ADAMTS19: variants seen among roughly 807,000 people sequenced by gnomAD.
ADAMTS19 encodes the protein ADAM metallopeptidase with thrombospondin type 1 motif 19.
ADAMTS19 carries 93 observed loss-of-function variants against 153.3 expected under a neutral mutation model. The observed-to-expected ratio is 0.61, with a 90% CI of 0.51 to 0.72. ADAMTS19 has a LOEUF of 0.72. Among genes scored for constraint, ADAMTS19 ranks in the 30% least tolerant of loss-of-function variants. The probability of loss-of-function intolerance (pLI) is 0.00; values close to 1 mark genes in which losing one functional copy is unlikely to be tolerated. For synonymous variants in ADAMTS19, 600 were observed against 556.6 expected (o/e 1.08, Z -1.10); for missense variants, 1,482 against 1,552.1 (o/e 0.95, Z 0.76).
At chr5:129,536,504 C>T (rs181458741) in intron 6 of ADAMTS19, among the ~76,000 whole-genome samples, 100 of 152,230 alleles carry the variant, frequency 6.6e-4, no homozygotes, top group Middle Eastern at 3.4e-3. Flanking sequence ...GTCAGTGTGG[C>T]GATTCCTCAG....
At chr5:129,577,986 C>T (rs1037556705) in intron 7 of ADAMTS19, among the ~76,000 whole-genome samples, 29 of 142,914 alleles carry the variant, frequency 2.0e-4, no homozygotes, top group Non-Finnish European at 3.5e-4. Context: ...AAGCTTTAAT[C>T]GTCTTCTTTT....
At chr5:129,680,966 G>T (rs1315096728) in intron 17 of ADAMTS19, among the ~76,000 whole-genome samples, 1 of 152,114 alleles carries the variant, frequency 6.6e-6, no homozygotes, top group African/African-American at 2.4e-5. Context: ...ATGGCAAAAA[G>T]AAGTCTAAAA....
At chr5:129,490,483 G>C (rs1157256576) in intron 2 of ADAMTS19, among the ~76,000 whole-genome samples, 2 of 152,108 alleles carry the variant, frequency 1.3e-5, no homozygotes, top group Non-Finnish European at 2.9e-5. Context: ...TACATTATAA[G>C]ATAAGAATTA....
intron 7 of ADAMTS19, among the ~76,000 whole-genome samples, chr5:129,556,935 A>G (rs1346299597): frequency 6.6e-6 from 1 of 152,184 alleles, no homozygotes; most frequent in African/African-American, 2.4e-5. Context: ...CAAGAAAATA[A>G]ATTTGGATAC....
chr5:129,551,827 ATTTATC>A, intron 6 of ADAMTS19, 31 bp from the exon 7 acceptor site: 1 of 1,388,922 alleles, frequency 7.2e-7, no homozygotes, highest in Non-Finnish European at 9.9e-7. Flanking sequence ...GTACAAAATA[ATTTATC>A]TTTATTTCAG....
At chr5:129,499,728 A>T (rs1205025142) in intron 2 of ADAMTS19, among the ~76,000 whole-genome samples, 1 of 152,120 alleles carries the variant, frequency 6.6e-6, no homozygotes, top group Non-Finnish European at 1.5e-5. Flanking sequence ...ATGGTTTAAA[A>T]AACAAAGGGG....
intron 2 of ADAMTS19, among the ~76,000 whole-genome samples, chr5:129,481,442 C>A (rs1750407005): frequency 6.6e-6 from 1 of 152,116 alleles, no homozygotes; most frequent in African/African-American, 2.4e-5. Context: ...AGACACAGAG[C>A]CAAACCATAG....
intron 10 of ADAMTS19, among the ~76,000 whole-genome samples, chr5:129,626,918 G>A (rs1032585085): frequency 1.3e-5 from 2 of 152,086 alleles, no homozygotes; most frequent in African/African-American, 2.4e-5. Context: ...TTCTTATAAG[G>A]TGACCTGGGA....
At chr5:129,675,062 T>C (rs1467101923) in intron 16 of ADAMTS19, among the ~76,000 whole-genome samples, 1 of 152,186 alleles carries the variant, frequency 6.6e-6, no homozygotes, top group African/African-American at 2.4e-5. Context: ...TTTCTCTGAA[T>C]GTGATATTTT....
intron 14 of ADAMTS19, among the ~76,000 whole-genome samples, chr5:129,658,329 G>GAAAGAAAGAAAGAA (rs1561632289): frequency 3.1e-5 from 3 of 95,906 alleles, no homozygotes; most frequent in African/African-American, 8.7e-5. Flanking sequence ...AAGAAAGAAA[G>GAAAGAAAGAAAGAA]AAAGAAAGAA....
intron 8 of ADAMTS19, 63 bp from the exon 9 acceptor site, chr5:129,620,554 TA>T (rs1267507429): frequency 3.2e-6 from 4 of 1,242,192 alleles, no homozygotes; most frequent in Non-Finnish European, 4.2e-6. Context: ...ACTGCAGTTA[TA>T]AAAAGTTAAC....
intron 8 of ADAMTS19, among the ~76,000 whole-genome samples, chr5:129,611,077 A>C (rs193132284): frequency 1.3e-5 from 2 of 152,246 alleles, no homozygotes; most frequent in Admixed American, 1.3e-4. Flanking sequence ...TTGGCTGCAT[A>C]AATGTCTTCT....
intron 10 of ADAMTS19, among the ~76,000 whole-genome samples, chr5:129,625,802 A>T (rs1398087652): frequency 1.3e-5 from 2 of 151,884 alleles, no homozygotes; most frequent in Non-Finnish European, 2.9e-5. Flanking sequence ...TTGCCTGTTC[A>T]CTCTGATGGT....
chr5:129,524,705 T>C (rs1751943542), intron 3 of ADAMTS19, among the ~76,000 whole-genome samples: 1 of 151,018 alleles, frequency 6.6e-6, no homozygotes, highest in South Asian at 2.1e-4. Context: ...ACAGCACATG[T>C]ACACCTATGT....
intron 7 of ADAMTS19, among the ~76,000 whole-genome samples, chr5:129,565,719 T>C (rs1753681788): frequency 6.6e-6 from 1 of 152,184 alleles, no homozygotes; most frequent in African/African-American, 2.4e-5. Context: ...ATTTTATCTT[T>C]TTCTATCATA....
rs1409897035 is a variant in ADAMTS19, at chr5:129,460,361, G to A, written c.-31G>A. The A allele has an allele frequency of 5.7e-6, 9 of 1,581,798 alleles. No homozygotes were observed. The highest frequency in any genetic ancestry group is 1.1e-5 in the South Asian group (1 of 90,594). On this transcript the variant is annotated 5_prime_UTR_variant, in exon 1 of 23. Transcript: ENST00000274487. ...GTGGATCGCGCTGGAGGCGTGCGCC[G>A]GGCGAGAAGCCGCGGCCGCGGGAGC...
intron 21 of ADAMTS19, among the ~76,000 whole-genome samples, chr5:129,706,849 C>T (rs949083232): frequency 2.0e-5 from 3 of 152,148 alleles, no homozygotes; most frequent in African/African-American, 7.2e-5. Context: ...TCATAGGGAA[C>T]ACTGATTGTG....
intron 3 of ADAMTS19, among the ~76,000 whole-genome samples, chr5:129,521,508 G>A (rs868399114): frequency 6.6e-6 from 1 of 152,060 alleles, no homozygotes. Context: ...AGAAAAGTAA[G>A]TTTTTGTCCC....
intron 6 of ADAMTS19, among the ~76,000 whole-genome samples, chr5:129,530,128 T>C (rs1168325852): frequency 1.3e-5 from 2 of 152,100 alleles, no homozygotes; most frequent in East Asian, 3.9e-4. Context: ...GATAACAGAA[T>C]AGCAAATCTC....
Sources: gnomAD v4.1 joint callset for allele counts (sites outside exome capture counted in the v4.1 genomes callset) on GRCh38, gnomAD v4.1.1 for gene constraint, MANE v1.5 for transcripts, NCBI Gene and HGNC (gene_info 2026-07-23, HGNC 2026-07-21) for gene names.